Variants in FAM53A observed in about 807,000 individuals in gnomAD.
FAM53A encodes family with sequence similarity 53 member A, also known as protein FAM53A.
A neutral mutation model predicts 26.6 loss-of-function variants in FAM53A; 28 were observed. That is an observed-to-expected ratio of 1.05 (90% CI 0.78 to 1.45). The LOEUF (loss-of-function observed/expected upper bound fraction) is 1.45, where lower values mean the gene tolerates loss of function less well. Among genes scored for constraint, FAM53A ranks in the 40% most tolerant of loss-of-function variants. The probability of loss-of-function intolerance (pLI) is 0.00; values close to 1 mark genes in which losing one functional copy is unlikely to be tolerated. For missense variants in FAM53A, 650 were observed against 575.8 expected (o/e 1.13, Z -1.32); for synonymous variants, 290 against 253.1 (o/e 1.15, Z -1.38).
At chr4:1,606,526 C>T in the FAM53A span, among the ~76,000 whole-genome samples, 2 of 152,190 alleles carry the variant, frequency 1.3e-5, no homozygotes, top group Admixed American at 1.3e-4. Context: ...CCCAGACCCC[C>T]AGAGTGTGTG....
intron 1 of FAM53A, among the ~76,000 whole-genome samples, chr4:1,622,000 A>G (rs895014736): frequency 2.0e-5 from 3 of 152,134 alleles, no homozygotes; most frequent in Non-Finnish European, 2.9e-5. Context: ...CGGGGCACAT[A>G]TTAAAGGGCA....
downstream of FAM53A, among the ~76,000 whole-genome samples, chr4:1,638,051 C>T (rs963121145): frequency 6.6e-6 from 1 of 152,096 alleles, no homozygotes; most frequent in Admixed American, 6.5e-5. Flanking sequence ...ACCAGAACTT[C>T]CTGCAGCTTC....
chr4:1,671,392 C>T (rs1207872342), intron 1 of FAM53A, among the ~76,000 whole-genome samples: 1 of 106,068 alleles, frequency 9.4e-6, no homozygotes, highest in Non-Finnish European at 2.0e-5. Flanking sequence ...GCCACCAGCT[C>T]ACAGCCACGG....
At chr4:1,657,354 GAGCCCAGTCCC>G in intron 3 of FAM53A, 43 bp downstream of exon 3, 1 of 1,536,980 alleles carries the variant, frequency 6.5e-7, no homozygotes, top group Non-Finnish European at 8.9e-7. Flanking sequence ...CCCAGCCCAG[GAGCCCAGTCCC>G]AGCCCTGCTC....
the FAM53A span, among the ~76,000 whole-genome samples, chr4:1,601,809 CAAAGTGCCCGATGGGGACTAGG>C: frequency 9.6e-6 from 1 of 104,452 alleles, no homozygotes; most frequent in South Asian, 3.0e-4. Context: ...CTGCCTGACC[CAAAGTGCCCGATGGGGACTAGG>C]TGCCAAACTA....
chr4:1,638,938 G>C (rs998672176), downstream of FAM53A, among the ~76,000 whole-genome samples: 1 of 152,228 alleles, frequency 6.6e-6, no homozygotes, highest in South Asian at 2.1e-4. Flanking sequence ...ACGCCGGGTG[G>C]ACTCAGCGTA....
the FAM53A span, among the ~76,000 whole-genome samples, chr4:1,590,414 G>T: frequency 6.6e-6 from 1 of 152,100 alleles, no homozygotes; most frequent in African/African-American, 2.4e-5. Flanking sequence ...ATTTGATGCT[G>T]GTGGGGAATT....
intron 1 of FAM53A, among the ~76,000 whole-genome samples, chr4:1,674,263 C>A (rs1043120732): frequency 2.6e-5 from 4 of 152,166 alleles, no homozygotes; most frequent in African/African-American, 9.7e-5. Flanking sequence ...CACCATGCGG[C>A]CTTCTCCCCA....
At chr4:1,605,507 G>A in the FAM53A span, among the ~76,000 whole-genome samples, 1 of 152,222 alleles carries the variant, frequency 6.6e-6, no homozygotes, top group Non-Finnish European at 1.5e-5. The surrounding 1 kb of genome is among the most constrained non-coding windows in gnomAD (Gnocchi z 5.7). Flanking sequence ...AGAGCAAGAT[G>A]AGCGTGAGGG....
At chr4:1,678,322 G>A (rs1033842323) in intron 1 of FAM53A, among the ~76,000 whole-genome samples, 20 of 152,194 alleles carry the variant, frequency 1.3e-4, no homozygotes, top group African/African-American at 4.6e-4. Context: ...CAACCTGGGT[G>A]ACAGAGCAAG....
rs111460397 is a variant in FAM53A at position 1,665,406 on chromosome 4, T to C, written c.75+3261A>G. Among the ~76,000 whole-genome samples, 764 of 151,974 alleles carry C rather than the reference T, an allele frequency of 5.0e-3. 5 individuals carry two copies. Among genetic ancestry groups the C allele is most frequent in the African/African-American group, 0.018 (733 of 41,394 alleles). On this transcript the variant is annotated intron_variant, in intron 2 of 4. Coordinates refer to ENST00000308132, the MANE Select transcript of FAM53A (RefSeq NM_001174070.3). ...CGGGAGGCTGAGGCGAGAGAATCGC[T>C]TGAGCCCTGGAAGCGGAGTTGCAAT...
the FAM53A span, among the ~76,000 whole-genome samples, chr4:1,601,108 A>AGGTGGG: frequency 1.6e-4 from 24 of 151,994 alleles, no homozygotes; most frequent in Non-Finnish European, 2.5e-4. Flanking sequence ...GCCACAGTGG[A>AGGTGGG]GGTGGGGGTG....
At chr4:1,598,897 G>A in the FAM53A span, among the ~76,000 whole-genome samples, 1 of 152,382 alleles carries the variant, frequency 6.6e-6, no homozygotes, top group East Asian at 1.9e-4. Context: ...AAATGTTGGA[G>A]TCATGATTGT....
At chr4:1,614,004 C>T (rs1395601364), downstream of FAM53A, among the ~76,000 whole-genome samples, 3 of 152,188 alleles carry the variant, frequency 2.0e-5, no homozygotes, top group South Asian at 4.2e-4. Flanking sequence ...ACCAAAGACT[C>T]GGCGATTCTC....
At chr4:1,642,649 C>T (rs1276570421) in intron 4 of FAM53A, among the ~76,000 whole-genome samples, 1 of 152,188 alleles carries the variant, frequency 6.6e-6, no homozygotes, top group African/African-American at 2.4e-5. Context: ...GCACCAGCCC[C>T]TCAGCACTCC....
the FAM53A span, among the ~76,000 whole-genome samples, chr4:1,609,107 CT>C: frequency 6.6e-6 from 1 of 152,064 alleles, no homozygotes; most frequent in African/African-American, 2.4e-5. Context: ...CAGGAGCCCC[CT>C]AGGCCTCTGG....
chr4:1,613,259 G>C (rs1013216200), downstream of FAM53A, among the ~76,000 whole-genome samples: 1 of 152,222 alleles, frequency 6.6e-6, no homozygotes, highest in African/African-American at 2.4e-5. Context: ...CCCAAGGTAG[G>C]GGCGCCGGCA....
downstream of FAM53A, among the ~76,000 whole-genome samples, chr4:1,617,395 T>C (rs774856061): frequency 2.8e-4 from 43 of 152,204 alleles, no homozygotes; most frequent in Non-Finnish European, 3.7e-4. Context: ...TTTGCCGGTG[T>C]TGACATTTTA....
At chr4:1,625,615 C>T (rs1363247947) in intron 1 of FAM53A, among the ~76,000 whole-genome samples, 7 of 93,330 alleles carry the variant, frequency 7.5e-5, no homozygotes, top group African/African-American at 2.4e-4. Context: ...TCCCGACCCA[C>T]GTGGTCAGGG....
Sources: gnomAD v4.1 joint callset for allele counts (sites outside exome capture counted in the v4.1 genomes callset) on GRCh38, gnomAD v4.1.1 for gene constraint, Gnocchi (gnomAD v3.1) non-coding constraint, MANE v1.5 for transcripts, NCBI Gene and HGNC (gene_info 2026-07-23, HGNC 2026-07-21) for gene names.